The following TRABD2B variants were observed in gnomAD, a reference collection of about 807,000 sequenced individuals.
TRABD2B encodes the protein metalloprotease TIKI2.
A neutral mutation model predicts 40.1 loss-of-function variants in TRABD2B; 14 were observed. The observed-to-expected ratio is 0.35, with a 90% CI of 0.23 to 0.55. The LOEUF (loss-of-function observed/expected upper bound fraction) is 0.55. Ranked by LOEUF, TRABD2B falls within the 20% of genes least tolerant of loss-of-function variation. The pLI, the probability that TRABD2B is intolerant of heterozygous loss-of-function variation, is 0.90. For synonymous variants in TRABD2B, 263 were observed against 277.0 expected, an observed-to-expected ratio of 0.95 and a Z score of 0.50; for missense variants, 541 against 648.6, an observed-to-expected ratio of 0.83 and a Z score of 1.80.
intron 2 of TRABD2B, among the ~76,000 whole-genome samples, chr1:47,951,000 C>G (rs572613538): frequency 7.2e-5 from 11 of 152,184 alleles, no homozygotes; most frequent in Admixed American, 2.0e-4. Context: ...ACAGAGCAGG[C>G]CTTCAATGCA....
intron 2 of TRABD2B, among the ~76,000 whole-genome samples, chr1:47,837,866 C>T (rs1441484494): frequency 1.3e-5 from 2 of 152,166 alleles, no homozygotes; most frequent in African/African-American, 4.8e-5. Flanking sequence ...GAGGCAGATA[C>T]TATTATAGCC....
intron 2 of TRABD2B, among the ~76,000 whole-genome samples, chr1:47,930,804 G>A (rs948850060): frequency 2.0e-5 from 3 of 152,158 alleles, no homozygotes; most frequent in African/African-American, 7.2e-5. Flanking sequence ...TTACAGACAG[G>A]CAGACTGAGG....
At chr1:47,767,777 C>T (rs1163403458) in intron 6 of TRABD2B, among the ~76,000 whole-genome samples, 1 of 152,238 alleles carries the variant, frequency 6.6e-6, no homozygotes. Context: ...ACGCTTCCCA[C>T]TGCTTGCCCC....
rs1317427021 is a variant in TRABD2B at position 47,994,319 on chromosome 1, G to A, written c.381C>T (p.Tyr127=). The part of the protein sequence containing the change: ...LYWRLKRHLD[Y]VKLMMPSWMT... The stretch of plus-strand genomic sequence containing the variant: ...TCCAGGAGGGCATCATCAACTTCAC[G>A]TAGTCCAGGTGGCGCTTCAAGCGCC... The change falls in exon 2 of 7, where the codon TAC becomes TAT. Residue 127 remains tyrosine, a synonymous_variant. Coordinates refer to ENST00000606738, the MANE Select transcript of TRABD2B (RefSeq NM_001194986.2). The surrounding 1 kb of genome is among the most constrained non-coding windows in gnomAD (Gnocchi z 6.7). The A allele has an allele frequency of 2.1e-5, 32 of 1,536,184 alleles. No homozygotes were observed. The East Asian group carries it at 3.9e-4, about 19-fold the overall frequency.
chr1:47,855,941 T>C (rs536747138), intron 2 of TRABD2B, among the ~76,000 whole-genome samples: 5 of 152,326 alleles, frequency 3.3e-5, no homozygotes, highest in African/African-American at 1.2e-4. Flanking sequence ...GTTGGTGATA[T>C]TATGTTATAG....
At chr1:47,856,934 G>A (rs934068159) in intron 2 of TRABD2B, among the ~76,000 whole-genome samples, 5 of 152,256 alleles carry the variant, frequency 3.3e-5, no homozygotes, top group African/African-American at 1.2e-4. Context: ...CCATTGATGT[G>A]CAGGAGAAGC....
chr1:47,895,387 T>G (rs1644503610), intron 2 of TRABD2B, among the ~76,000 whole-genome samples: 1 of 152,210 alleles, frequency 6.6e-6, no homozygotes, highest in Admixed American at 6.5e-5. Flanking sequence ...GGGAAGCATG[T>G]ACACTTCCAA....
intron 2 of TRABD2B, among the ~76,000 whole-genome samples, chr1:47,960,905 T>A (rs1342519578): frequency 6.6e-6 from 1 of 152,058 alleles, no homozygotes; most frequent in Non-Finnish European, 1.5e-5. Flanking sequence ...CATTGCCAAG[T>A]CAATCCTGAG....
chr1:47,993,878 C>G (rs1302349136), intron 2 of TRABD2B, among the ~76,000 whole-genome samples, 156 bp downstream of exon 2: 1 of 152,218 alleles, frequency 6.6e-6, no homozygotes, highest in African/African-American at 2.4e-5. Context: ...ACCAGAGCAG[C>G]CAGGTGCTGC....
At chr1:47,976,129 G>C (rs919711329) in intron 2 of TRABD2B, among the ~76,000 whole-genome samples, 31 of 152,042 alleles carry the variant, frequency 2.0e-4, no homozygotes, top group African/African-American at 7.0e-4. Flanking sequence ...GCTTCCTGGG[G>C]GCAAGATCTT....
At chr1:47,899,484 T>C (rs1570244728) in intron 2 of TRABD2B, among the ~76,000 whole-genome samples, 1 of 152,202 alleles carries the variant, frequency 6.6e-6, no homozygotes, top group South Asian at 2.1e-4. Context: ...CCCACTCCAT[T>C]ACATACAATG....
intron 2 of TRABD2B, among the ~76,000 whole-genome samples, chr1:47,839,346 C>T (rs781686441): frequency 2.1e-4 from 32 of 152,098 alleles, no homozygotes; most frequent in Non-Finnish European, 3.7e-4. Flanking sequence ...TAGGAGCCTG[C>T]CCCCTCACTC....
At chr1:47,770,726 T>G (rs773115141) in intron 6 of TRABD2B, among the ~76,000 whole-genome samples, 1 of 152,222 alleles carries the variant, frequency 6.6e-6, no homozygotes, top group Non-Finnish European at 1.5e-5. Flanking sequence ...TAGCACTAAA[T>G]GCAGTATGTG....
chr1:47,761,289 A>G lies in TRABD2B; in HGVS notation c.*4613T>C, dbSNP rs1418334059. ...AGGATAGCCGATGCTCCCTGGAAAGAGCCAAGTAGGGGGTCAATCAGTTCT... is the reference window on the plus strand; with the variant it reads ...AGGATAGCCGATGCTCCCTGGAAAGGGCCAAGTAGGGGGTCAATCAGTTCT... On this transcript the variant is annotated 3_prime_UTR_variant, in exon 7 of 7. Coordinates refer to ENST00000606738, the MANE Select transcript of TRABD2B (RefSeq NM_001194986.2). 6.6e-6 allele frequency: 1 copy of G among 152,312 alleles called. No homozygotes were observed. The highest frequency in any genetic ancestry group is 1.5e-5 in the Non-Finnish European group (1 of 68,122). The allele number at this position is 152,312 out of a possible 1,614,324, so 9.4% of individuals were successfully genotyped here.
intron 2 of TRABD2B, among the ~76,000 whole-genome samples, chr1:47,930,082 G>C (rs1035931792): frequency 6.6e-6 from 1 of 152,182 alleles, no homozygotes; most frequent in Non-Finnish European, 1.5e-5. Context: ...CCCAGCCAGG[G>C]AGGTGCCCAG....
intron 2 of TRABD2B, among the ~76,000 whole-genome samples, chr1:47,984,325 C>T (rs904471921): frequency 1.3e-5 from 2 of 152,228 alleles, no homozygotes; most frequent in African/African-American, 4.8e-5. Context: ...CGGGCGAGGA[C>T]ATACACACTG....
intron 2 of TRABD2B, among the ~76,000 whole-genome samples, chr1:47,947,176 A>C (rs1377617388): frequency 6.6e-6 from 1 of 152,238 alleles, no homozygotes; most frequent in Non-Finnish European, 1.5e-5. Context: ...CCTGGTTCAA[A>C]GCTTATGTTC....
chr1:47,795,898 C>T (rs1302280795), intron 3 of TRABD2B, among the ~76,000 whole-genome samples: 1 of 152,160 alleles, frequency 6.6e-6, no homozygotes, highest in Non-Finnish European at 1.5e-5. Flanking sequence ...GTTTTGCCAT[C>T]ACCCCACACT....
chr1:47,846,650 G>GA (rs1645473957), intron 2 of TRABD2B, among the ~76,000 whole-genome samples: 2 of 151,934 alleles, frequency 1.3e-5, no homozygotes, highest in East Asian at 1.9e-4. Flanking sequence ...GGAACAAAAG[G>GA]AAAAAAATCC....
Sources: gnomAD v4.1 joint callset for allele counts (sites outside exome capture counted in the v4.1 genomes callset) on GRCh38, gnomAD v4.1.1 for gene constraint, Gnocchi (gnomAD v3.1) non-coding constraint, MANE v1.5 for transcripts, NCBI Gene and HGNC (gene_info 2026-07-23, HGNC 2026-07-21) for gene names.